COL21A1: variants seen among roughly 807,000 people sequenced by gnomAD.
COL21A1 encodes collagen alpha-1(XXI) chain.
In COL21A1, 149 loss-of-function variants were observed where a neutral mutation model predicts 137.9. The ratio of observed to expected loss-of-function variants is 1.08; its 90% CI spans 0.95 to 1.24. The LOEUF (loss-of-function observed/expected upper bound fraction) is 1.24, where lower values mean the gene tolerates loss of function less well. Among genes scored for constraint, COL21A1 ranks in the 50% most tolerant of loss-of-function variants. COL21A1 has a pLI of 0.00. For missense variants in COL21A1, 1,167 were observed against 1,158.4 expected (o/e 1.01, Z -0.11); for synonymous variants, 456 against 391.5 (o/e 1.16, Z -1.95).
chr6:56,392,600 G>C (rs1457256944), intron 1 of COL21A1, among the ~76,000 whole-genome samples: 1 of 152,100 alleles, frequency 6.6e-6, no homozygotes, highest in Non-Finnish European at 1.5e-5. Context: ...AAACCCTAAA[G>C]ATGACACCAA....
Position 56,256,457 on chromosome 6 carries a change from A to T in COL21A1, c.-38-73801T>A, listed in dbSNP as rs549148913. On this transcript the variant is annotated intron_variant, in intron 1 of 28. Transcript: ENST00000370819. ...GTGACAGTTTCTTAATTTTTAAAAA[A>T]GTTCCCCATGGACAGAAAAAAAAAT... Among the ~76,000 whole-genome samples, 90 of 152,336 alleles carry T rather than the reference A, an allele frequency of 5.9e-4. 1 individual carries two copies. The South Asian group carries it at 0.018, about 31-fold the overall frequency.
At chr6:56,203,890 A>C (rs2152299993) in intron 1 of COL21A1, among the ~76,000 whole-genome samples, 1 of 152,232 alleles carries the variant, frequency 6.6e-6, no homozygotes, top group South Asian at 2.1e-4. Context: ...CCCCCAGCCA[A>C]GGGAAGCCAT....
At chr6:56,129,430 C>T (rs961453293) in intron 12 of COL21A1, among the ~76,000 whole-genome samples, 1 of 152,062 alleles carries the variant, frequency 6.6e-6, no homozygotes, top group African/African-American at 2.4e-5. Context: ...AACACAAGTG[C>T]CTGAATGACT....
At chr6:56,360,384 G>A (rs1192588030) in intron 1 of COL21A1, among the ~76,000 whole-genome samples, 1 of 152,124 alleles carries the variant, frequency 6.6e-6, no homozygotes, top group African/African-American at 2.4e-5. Flanking sequence ...TTGCAAACCC[G>A]ATGAAAGACA....
intron 1 of COL21A1, among the ~76,000 whole-genome samples, chr6:56,369,158 A>C (rs956497488): frequency 2.6e-5 from 4 of 152,112 alleles, no homozygotes; most frequent in African/African-American, 7.2e-5. Context: ...AATTCAAAAC[A>C]CTTAAGTAAA....
At chr6:56,075,846 T>C (rs1371115738) in intron 18 of COL21A1, among the ~76,000 whole-genome samples, 2 of 151,424 alleles carry the variant, frequency 1.3e-5, no homozygotes, top group African/African-American at 4.8e-5. Context: ...CTATTTATCA[T>C]AGAGTTTAAG....
chr6:56,385,510 ACT>A (rs1296419125), intron 1 of COL21A1, among the ~76,000 whole-genome samples: 3 of 150,826 alleles, frequency 2.0e-5, no homozygotes, highest in Non-Finnish European at 4.4e-5. Context: ...TATCACTCTG[ACT>A]CTTTTTTTTT....
intron 1 of COL21A1, among the ~76,000 whole-genome samples, chr6:56,260,589 AAG>A (rs111845820): frequency 1.3e-4 from 4 of 30,516 alleles, no homozygotes; most frequent in Non-Finnish European, 2.7e-4. Context: ...AAAAAGAAAG[AAG>A]AAGAAGAAGA....
intron 1 of COL21A1, among the ~76,000 whole-genome samples, chr6:56,218,896 C>T (rs2152311105): frequency 6.6e-6 from 1 of 152,178 alleles, no homozygotes; most frequent in East Asian, 1.9e-4. Flanking sequence ...AGAGCAATCA[C>T]TGAAGCTAAT....
intron 1 of COL21A1, among the ~76,000 whole-genome samples, chr6:56,221,966 G>A (rs1382878720): frequency 6.6e-6 from 1 of 151,970 alleles, no homozygotes; most frequent in African/African-American, 2.4e-5. Context: ...ATGAACTATA[G>A]AGTCCATTTA....
chr6:56,212,444 G>A (rs754230027), intron 1 of COL21A1, among the ~76,000 whole-genome samples: 7 of 151,896 alleles, frequency 4.6e-5, no homozygotes, highest in Non-Finnish European at 8.8e-5. Flanking sequence ...TTCCTACTCC[G>A]AGGGATTCTA....
At chr6:56,251,416 G>A (rs746299195), upstream of COL21A1, among the ~76,000 whole-genome samples, 7 of 152,028 alleles carry the variant, frequency 4.6e-5, no homozygotes, top group African/African-American at 9.7e-5. Context: ...AATATTTATC[G>A]AATGAATACC....
intron 1 of COL21A1, among the ~76,000 whole-genome samples, chr6:56,241,790 T>A (rs1459518113): frequency 6.6e-6 from 1 of 152,250 alleles, no homozygotes; most frequent in East Asian, 1.9e-4. Context: ...AATCCAGTGA[T>A]ACATCATGCT....
At chr6:56,281,339 C>A (rs1431590700) in intron 1 of COL21A1, among the ~76,000 whole-genome samples, 5 of 152,088 alleles carry the variant, frequency 3.3e-5, no homozygotes, top group Non-Finnish European at 5.9e-5. Flanking sequence ...ACATTTAAGT[C>A]ATAAATAGTA....
intron 1 of COL21A1, among the ~76,000 whole-genome samples, chr6:56,198,392 T>G (rs1779172263): frequency 6.6e-6 from 1 of 152,076 alleles, no homozygotes; most frequent in Admixed American, 6.6e-5. Context: ...TGATACCTAG[T>G]GAGGTAATTG....
chr6:56,093,164 A>G (rs1289801075), intron 17 of COL21A1, among the ~76,000 whole-genome samples: 1 of 152,114 alleles, frequency 6.6e-6, no homozygotes, highest in Non-Finnish European at 1.5e-5. Flanking sequence ...GGTAATATTT[A>G]CAGATTCTGG....
chr6:56,357,395 C>T lies in COL21A1; in HGVS notation c.-39+36576G>A, dbSNP rs146780052. ...ATGTAGCTATCATCGCCTGTCCATG[C>T]ACAAACTCGCTAACACTGGTAGCAT... On this transcript the variant is annotated intron_variant, in intron 1 of 28. Transcript: ENST00000370819. Among the ~76,000 whole-genome samples the T allele has an allele frequency of 2.2e-3, 339 of 152,304 alleles. 1 individual carries two copies. Among genetic ancestry groups the T allele is most frequent in the Admixed American group, 3.7e-3 (56 of 15,300 alleles).
chr6:56,337,855 G>A (rs894795600), intron 1 of COL21A1, among the ~76,000 whole-genome samples: 2 of 151,936 alleles, frequency 1.3e-5, no homozygotes, highest in Admixed American at 6.6e-5. Flanking sequence ...AGACCAGATC[G>A]ATTTTAAAAA....
chr6:56,279,481 C>T (rs1225194509), intron 1 of COL21A1, among the ~76,000 whole-genome samples: 1 of 152,134 alleles, frequency 6.6e-6, no homozygotes, highest in Non-Finnish European at 1.5e-5. Flanking sequence ...ACAGCAGGGG[C>T]CAGAATGTCT....
Sources: allele counts gnomAD v4.1 joint callset (sites outside exome capture counted in the v4.1 genomes callset), GRCh38; gene constraint gnomAD v4.1.1; transcripts MANE v1.5; gene names NCBI Gene and HGNC (gene_info 2026-07-23, HGNC 2026-07-21).